The following SMARCAL1 variants were observed in gnomAD, a reference collection of about 807,000 sequenced individuals.
SMARCAL1 encodes the protein SNF2 related chromatin remodeling annealing helicase 1.
SMARCAL1 carries 58 observed loss-of-function variants against 94.5 expected under a neutral mutation model. The observed-to-expected ratio is 0.61, with a 90% confidence interval of 0.50 to 0.76. The LOEUF (loss-of-function observed/expected upper bound fraction) is 0.76, where lower values mean the gene tolerates loss of function less well. Ranked by LOEUF, SMARCAL1 falls within the 30% of genes least tolerant of loss-of-function variation. The pLI, the probability that SMARCAL1 is intolerant of heterozygous loss-of-function variation, is 0.00. For synonymous variants in SMARCAL1, 422 were observed against 455.1 expected (o/e 0.93, Z 0.93); for missense variants, 1,051 against 1,177.9 (o/e 0.89, Z 1.58).
chr2:216,481,474 G>T (rs1347713046), intron 17 of SMARCAL1, among the ~76,000 whole-genome samples: 1 of 150,432 alleles, frequency 6.6e-6, no homozygotes, highest in African/African-American at 2.5e-5. Context: ...GGGATTACAG[G>T]CGTGAGCCCT....
chr2:216,437,784 AC>A (rs1319069301), intron 9 of SMARCAL1, among the ~76,000 whole-genome samples: 3 of 149,240 alleles, frequency 2.0e-5, no homozygotes, highest in East Asian at 2.1e-4. Context: ...AGAAAAACAA[AC>A]TATATATATA....
intron 14 of SMARCAL1, among the ~76,000 whole-genome samples, chr2:216,474,454 G>GAA (rs111287911): frequency 5.2e-5 from 6 of 115,438 alleles, no homozygotes; most frequent in Non-Finnish European, 8.8e-5. Flanking sequence ...GTGCATTCTT[G>GAA]AAAAAAAAAA....
intron 3 of SMARCAL1, 79 bp from the exon 4 acceptor site, chr2:216,416,178 C>A (rs1693596946): frequency 1.6e-6 from 2 of 1,234,132 alleles, no homozygotes; most frequent in Admixed American, 1.7e-5. Context: ...GTCCTTCATT[C>A]ATTCATTTAG....
intron 12 of SMARCAL1, chr2:216,451,286 G>A (rs1367256457): frequency 1.8e-6 from 1 of 545,610 alleles, no homozygotes; most frequent in Non-Finnish European, 3.3e-6. Flanking sequence ...ATAGATCGCT[G>A]TTGATGGATG....
At chr2:216,466,433 A>T (rs898138582) in intron 13 of SMARCAL1, among the ~76,000 whole-genome samples, 1 of 152,088 alleles carries the variant, frequency 6.6e-6, no homozygotes, top group Non-Finnish European at 1.5e-5. Context: ...TAAATCTATG[A>T]CTCTCTGGAC....
chr2:216,428,187 A>G (rs3770485), intron 6 of SMARCAL1, among the ~76,000 whole-genome samples: 5,327 of 152,264 alleles, frequency 0.035, 202 homozygotes, highest in East Asian at 0.16. Context: ...CCACTGCCAG[A>G]GGTCTCTAGG....
At position 216,458,400 on chromosome 2, in the gene SMARCAL1, T is replaced by G. The variant is rs532962896; in HGVS notation, c.2071-6197T>G. Among the ~76,000 whole-genome samples the G allele has an allele frequency of 2.0e-5, 3 of 152,334 alleles. No individual in the cohort carries two copies. In the South Asian group the frequency reaches 6.2e-4, roughly 32 times the overall value. ...CAACAAAAAAAGAATTTTAGACCAATATCCCTGATGAACATCAATGCAAAA... is the reference window on the plus strand; with the variant it reads ...CAACAAAAAAAGAATTTTAGACCAAGATCCCTGATGAACATCAATGCAAAA... On this transcript the variant is annotated intron_variant, in intron 12 of 17. Transcript: ENST00000357276.
At chr2:216,447,963 C>G (rs550096310) in intron 11 of SMARCAL1, among the ~76,000 whole-genome samples, 1 of 152,162 alleles carries the variant, frequency 6.6e-6, no homozygotes. Flanking sequence ...TACAAGCCAT[C>G]TATGAGGGAA....
At chr2:216,428,565 C>G in intron 6 of SMARCAL1, 31 bp from the exon 7 acceptor site, 1 of 1,609,158 alleles carries the variant, frequency 6.2e-7, no homozygotes, top group Non-Finnish European at 8.5e-7. Flanking sequence ...CATGAACACT[C>G]CAGCTCATAT....
intron 4 of SMARCAL1, 142 bp downstream of exon 4, chr2:216,416,449 A>G: frequency 1.3e-6 from 1 of 743,536 alleles, no homozygotes; most frequent in Non-Finnish European, 2.4e-6. Context: ...ACTCCTTCCC[A>G]CTCTGTCTAG....
chr2:216,413,588 A>C (rs1001502535), intron 1 of SMARCAL1, among the ~76,000 whole-genome samples: 1 of 152,170 alleles, frequency 6.6e-6, no homozygotes, highest in African/African-American at 2.4e-5. Context: ...TTACAGAGTA[A>C]TTTTATTCTT....
At chr2:216,413,607 A>G (rs536808384) in intron 1 of SMARCAL1, among the ~76,000 whole-genome samples, 1 of 152,144 alleles carries the variant, frequency 6.6e-6, no homozygotes, top group South Asian at 2.1e-4. Context: ...TTTTTTGTTT[A>G]CATCTTTATG....
At chr2:216,466,438 C>T (rs1189947090) in intron 13 of SMARCAL1, among the ~76,000 whole-genome samples, 1 of 152,212 alleles carries the variant, frequency 6.6e-6, no homozygotes, top group Non-Finnish European at 1.5e-5. Context: ...CTATGACTCT[C>T]TGGACCTCAG....
intron 10 of SMARCAL1, among the ~76,000 whole-genome samples, chr2:216,441,236 G>A (rs1276715789): frequency 2.0e-5 from 3 of 152,142 alleles, no homozygotes; most frequent in African/African-American, 4.8e-5. Flanking sequence ...TGTGGATTTT[G>A]TAAATAGCAA....
At chr2:216,470,887 A>G (rs1190989444) in intron 14 of SMARCAL1, among the ~76,000 whole-genome samples, 2 of 150,650 alleles carry the variant, frequency 1.3e-5, no homozygotes, top group Non-Finnish European at 3.0e-5. Context: ...TATCTAAACA[A>G]CTATGAAAAA....
Position 216,482,619 on chromosome 2 carries a change from T to C in SMARCAL1, c.2626-119T>C, listed in dbSNP as rs918514378. 5.6e-6 allele frequency: 8 copies of C among 1,418,398 alleles called. No individual in the cohort carries two copies. The Admixed American group carries it at 1.4e-4, about 24-fold the overall frequency. The allele number at this position is 1,418,398 out of a possible 1,614,324, so 87.9% of individuals were successfully genotyped here. On this transcript the variant is annotated intron_variant, in intron 17 of 17. Transcript: ENST00000357276. The surrounding 1 kb of genome is among the most constrained non-coding windows in gnomAD (Gnocchi z 4.3). ...GCACACTTGCCATCGTGTAGCTCCC[T>C]GACACCATGAAATGTGTGGTCTCTC...
intron 14 of SMARCAL1, among the ~76,000 whole-genome samples, chr2:216,468,831 G>A (rs943465776): frequency 5.9e-5 from 9 of 151,860 alleles, no homozygotes; most frequent in African/African-American, 1.5e-4. Context: ...AGTGATTCTC[G>A]TGCCTCAGCC....
At chr2:216,468,656 A>C (rs1448648389) in intron 14 of SMARCAL1, among the ~76,000 whole-genome samples, 1 of 152,170 alleles carries the variant, frequency 6.6e-6, no homozygotes, top group African/African-American at 2.4e-5. Flanking sequence ...GTACTTTAAG[A>C]GTACAGAGAA....
At chr2:216,464,518 A>T (rs1694786495) in intron 12 of SMARCAL1, 79 bp from the exon 13 acceptor site, 1 of 1,025,460 alleles carries the variant, frequency 9.8e-7, no homozygotes, top group Non-Finnish European at 1.6e-6. Context: ...TGTAAAGCGC[A>T]TAGGAGCAAT....
Sources: allele counts gnomAD v4.1 joint callset (sites outside exome capture counted in the v4.1 genomes callset), GRCh38; gene constraint gnomAD v4.1.1; non-coding constraint Gnocchi (gnomAD v3.1); transcripts MANE v1.5; gene names NCBI Gene and HGNC (gene_info 2026-07-23, HGNC 2026-07-21).